ARHGAP15: variants seen among roughly 807,000 people sequenced by gnomAD.
The protein encoded by ARHGAP15 is rho GTPase-activating protein 15.
A neutral mutation model predicts 63.7 loss-of-function variants in ARHGAP15; 51 were observed. The ratio of observed to expected loss-of-function variants is 0.80; its 90% confidence interval spans 0.64 to 1.01. ARHGAP15 has a LOEUF of 1.01. Among genes scored for constraint, ARHGAP15 ranks in the 50% least tolerant of loss-of-function variants. The pLI is 0.00. For synonymous variants in ARHGAP15, 191 were observed against 193.8 expected, an observed-to-expected ratio of 0.99 and a Z score of 0.12; for missense variants, 560 against 564.6, an observed-to-expected ratio of 0.99 and a Z score of 0.08.
intron 2 of ARHGAP15, among the ~76,000 whole-genome samples, chr2:143,156,465 A>C (rs1041690965): frequency 6.6e-6 from 1 of 151,894 alleles, no homozygotes. Flanking sequence ...TTAGCTGGGG[A>C]CAGGCTGAGT....
At chr2:143,663,689 C>T (rs1281222299) in intron 12 of ARHGAP15, among the ~76,000 whole-genome samples, 4 of 151,962 alleles carry the variant, frequency 2.6e-5, no homozygotes, top group African/African-American at 9.7e-5. Context: ...TGCAGAGACA[C>T]ATATAGGCTC....
intron 6 of ARHGAP15, among the ~76,000 whole-genome samples, chr2:143,358,129 C>T (rs1302103787): frequency 6.6e-6 from 1 of 152,266 alleles, no homozygotes; most frequent in South Asian, 2.1e-4. Flanking sequence ...TTGCTGCAGG[C>T]GATGCAGGTT....
In ARHGAP15 at chr2:143,399,366, T is replaced by A. The variant is rs199909140; in HGVS notation, c.475-36235T>A. Among the ~76,000 whole-genome samples the A allele has an allele frequency of 1.4e-3, 209 of 146,142 alleles. 2 individuals are homozygous for A. The highest frequency in any genetic ancestry group is 2.3e-3 in the Non-Finnish European group (150 of 66,286). On this transcript the variant is annotated intron_variant, in intron 6 of 13. Transcript: ENST00000295095. The stretch of plus-strand genomic sequence containing the variant: ...CTCAAAGAGCACTGAGGCAAAAAAA[T>A]AAAAAAAAATGCCCTTCTTGGCAGC...
intron 8 of ARHGAP15, among the ~76,000 whole-genome samples, chr2:143,470,390 A>G (rs1691459695): frequency 6.6e-6 from 1 of 151,596 alleles, no homozygotes; most frequent in Non-Finnish European, 1.5e-5. Flanking sequence ...ACCAATCATC[A>G]GTTCCCTTCT....
chr2:143,485,093 T>G (rs184786788), intron 8 of ARHGAP15, among the ~76,000 whole-genome samples: 1 of 150,378 alleles, frequency 6.6e-6, no homozygotes, highest in East Asian at 2.0e-4. Context: ...TAAAAAAAAA[T>G]TTTTAATTTC....
intron 13 of ARHGAP15, among the ~76,000 whole-genome samples, chr2:143,737,881 T>C (rs1289767816): frequency 1.3e-5 from 2 of 152,084 alleles, no homozygotes; most frequent in Non-Finnish European, 2.9e-5. Flanking sequence ...CTCAGCCTTC[T>C]GAGTAGCTGG....
chr2:143,165,960 G>GAGAAAGAAAGAA (rs778728158), intron 2 of ARHGAP15, among the ~76,000 whole-genome samples: 6,454 of 93,360 alleles, frequency 0.069, 327 homozygotes, highest in Admixed American at 0.14. Context: ...GAAAGAAAGA[G>GAGAAAGAAAGAA]AGAAAGAAAG....
intron 6 of ARHGAP15, among the ~76,000 whole-genome samples, chr2:143,369,757 G>A (rs547020978): frequency 1.3e-3 from 200 of 152,170 alleles, no homozygotes; most frequent in African/African-American, 4.7e-3. Flanking sequence ...ACTTTGCAGA[G>A]AATATTTTAT....
At chr2:143,303,545 C>A (rs1456928063) in intron 6 of ARHGAP15, among the ~76,000 whole-genome samples, 1 of 151,794 alleles carries the variant, frequency 6.6e-6, no homozygotes, top group East Asian at 2.0e-4. Flanking sequence ...ACATTCAGGA[C>A]ATAGGCATGG....
chr2:143,738,979 A>G (rs1431086146), intron 13 of ARHGAP15, among the ~76,000 whole-genome samples: 1 of 152,196 alleles, frequency 6.6e-6, no homozygotes, highest in African/African-American at 2.4e-5. Context: ...TTGAATGAAG[A>G]TCACTGGAAA....
At chr2:143,363,356 A>T (rs528430042) in intron 6 of ARHGAP15, among the ~76,000 whole-genome samples, 1 of 152,280 alleles carries the variant, frequency 6.6e-6, no homozygotes, top group South Asian at 2.1e-4. Flanking sequence ...CCTTGCTAAC[A>T]TGGTGAAACC....
intron 6 of ARHGAP15, among the ~76,000 whole-genome samples, chr2:143,407,987 G>GGATA (rs1553475707): frequency 1.3e-5 from 1 of 77,422 alleles, no homozygotes; most frequent in African/African-American, 4.5e-5. Context: ...TTCTGTGTGT[G>GGATA]TATATATATA....
At chr2:143,250,477 T>C (rs1257345539) in intron 5 of ARHGAP15, 34 bp from the exon 6 acceptor site, 3 of 1,524,714 alleles carry the variant, frequency 2.0e-6, no homozygotes, top group Non-Finnish European at 2.7e-6. Context: ...CAGTGTTGCA[T>C]CCTCTTATTC....
intron 4 of ARHGAP15, among the ~76,000 whole-genome samples, chr2:143,223,819 G>C (rs578141138): frequency 6.6e-6 from 1 of 152,304 alleles, no homozygotes; most frequent in African/African-American, 2.4e-5. Flanking sequence ...GAGTGAGCAG[G>C]GGCCTGAATC....
chr2:143,486,093 G>A (rs1431391354), intron 8 of ARHGAP15, among the ~76,000 whole-genome samples: 1 of 152,090 alleles, frequency 6.6e-6, no homozygotes. Flanking sequence ...CAGTTATAGA[G>A]AGGTTTCTCA....
chr2:143,173,694 CA>C (rs2105053769), intron 2 of ARHGAP15, among the ~76,000 whole-genome samples: 1 of 152,074 alleles, frequency 6.6e-6, no homozygotes, highest in Non-Finnish European at 1.5e-5. Context: ...CAGTTTGCCC[CA>C]GGATAAAATG....
At chr2:143,721,052 A>C (rs1021879455) in intron 13 of ARHGAP15, among the ~76,000 whole-genome samples, 2 of 98,438 alleles carry the variant, frequency 2.0e-5, no homozygotes, top group African/African-American at 7.2e-5. Context: ...ACAGAGCAAG[A>C]CTCCGTCTCA....
chr2:143,388,304 A>G (rs1350494760), intron 6 of ARHGAP15, among the ~76,000 whole-genome samples: 1 of 152,236 alleles, frequency 6.6e-6, no homozygotes, highest in Non-Finnish European at 1.5e-5. Flanking sequence ...ATAAGTTGCT[A>G]AAAGAATTTT....
chr2:143,356,162 CT>C (rs779140750), intron 6 of ARHGAP15, among the ~76,000 whole-genome samples: 12 of 152,146 alleles, frequency 7.9e-5, no homozygotes, highest in Admixed American at 1.3e-4. Context: ...ATTTAATAAC[CT>C]TTTGCATGTA....
Sources: gnomAD v4.1 joint callset for allele counts (sites outside exome capture counted in the v4.1 genomes callset) on GRCh38, gnomAD v4.1.1 for gene constraint, MANE v1.5 for transcripts, NCBI Gene and HGNC (gene_info 2026-07-23, HGNC 2026-07-21) for gene names.